The following HCFC2 variants were observed in gnomAD, a reference collection of about 807,000 sequenced individuals.
The protein encoded by HCFC2 is host cell factor 2.
HCFC2 carries 18 observed loss-of-function variants against 89.2 expected under a neutral mutation model. The observed-to-expected ratio is 0.20, with a 90% CI of 0.14 to 0.30. The LOEUF is 0.30. Ranked by LOEUF, HCFC2 falls within the 10% of genes least tolerant of loss-of-function variation. The pLI is 1.00. For missense variants in HCFC2, 578 were observed against 956.1 expected (o/e 0.60, Z 5.21); for synonymous variants, 308 against 335.7 (o/e 0.92, Z 0.90).
At chr12:104,082,641 T>C in intron 6 of HCFC2, 35 bp downstream of exon 6, 1 of 1,560,894 alleles carries the variant, frequency 6.4e-7, no homozygotes, top group Non-Finnish European at 8.8e-7. Flanking sequence ...TGAATTAATC[T>C]TTATTAATAA....
intron 9 of HCFC2, among the ~76,000 whole-genome samples, chr12:104,089,464 C>T (rs930603206): frequency 5.3e-5 from 8 of 152,166 alleles, no homozygotes; most frequent in Admixed American, 3.9e-4. Flanking sequence ...TGTAGTGAGC[C>T]GAGATTGTGC....
At chr12:104,078,425 C>T (rs1052343737) in intron 3 of HCFC2, among the ~76,000 whole-genome samples, 2 of 151,986 alleles carry the variant, frequency 1.3e-5, no homozygotes, top group African/African-American at 4.8e-5. Flanking sequence ...CAATTTTTGC[C>T]CTTACACTTG....
Position 104,085,090 on chromosome 12 carries a change from C to T in HCFC2, c.1064-1757C>T, listed in dbSNP as rs558533743. Among the ~76,000 whole-genome samples, 23 of 152,178 alleles carry T rather than the reference C, an allele frequency of 1.5e-4. No homozygotes were observed. In the South Asian group the frequency reaches 3.3e-3, roughly 22 times the overall value. On this transcript the variant is annotated intron_variant, in intron 7 of 14. Coordinates refer to ENST00000229330, the MANE Select transcript of HCFC2 (RefSeq NM_013320.3). The stretch of plus-strand genomic sequence containing the variant: ...TATATGAGAAAAACAGATTATAAAA[C>T]GTATAATGACTCCAGTGTTTTCAAA...
At chr12:104,101,724 A>T (rs1445802778) in intron 13 of HCFC2, among the ~76,000 whole-genome samples, 2 of 152,118 alleles carry the variant, frequency 1.3e-5, no homozygotes, top group African/African-American at 4.8e-5. Context: ...TCTCTGTGTA[A>T]TCAGTGATTC....
At chr12:104,086,759 T>C in intron 7 of HCFC2, 88 bp from the exon 8 acceptor site, 1 of 1,181,684 alleles carries the variant, frequency 8.5e-7, no homozygotes, top group Admixed American at 2.0e-5. Flanking sequence ...ATTGCTGATG[T>C]TTTCAAAGCT....
At chr12:104,093,284 G>T in intron 9 of HCFC2, 102 bp from the exon 10 acceptor site, 1 of 709,430 alleles carries the variant, frequency 1.4e-6, no homozygotes. Context: ...TTTCTATTTT[G>T]ATAAAAAGTA....
chr12:104,074,453 C>A (rs934965562), intron 3 of HCFC2, among the ~76,000 whole-genome samples: 1 of 152,224 alleles, frequency 6.6e-6, no homozygotes, highest in Non-Finnish European at 1.5e-5. Flanking sequence ...AGCCGCCATG[C>A]CTGGCCAAAA....
At chr12:104,087,877 G>T in intron 8 of HCFC2, 109 bp from the exon 9 acceptor site, 1 of 527,912 alleles carries the variant, frequency 1.9e-6, no homozygotes, top group South Asian at 6.5e-5. Flanking sequence ...ATAACCTTTG[G>T]TAAAGATACT....
chr12:104,098,764 G>A (rs111587704), intron 13 of HCFC2, among the ~76,000 whole-genome samples: 130 of 152,334 alleles, frequency 8.5e-4, no homozygotes, highest in African/African-American at 3.0e-3. Flanking sequence ...ACTTTGGGAG[G>A]CCAAGGCAGG....
At chr12:104,073,823 G>A (rs1341787469) in intron 3 of HCFC2, among the ~76,000 whole-genome samples, 2 of 152,104 alleles carry the variant, frequency 1.3e-5, no homozygotes, top group African/African-American at 4.8e-5. Context: ...CTATACCAGG[G>A]GTTGCAAACT....
chr12:104,102,933 A>C, intron 14 of HCFC2, 26 bp from the exon 15 acceptor site: 2 of 1,579,556 alleles, frequency 1.3e-6, no homozygotes, highest in Non-Finnish European at 1.7e-6. Context: ...AGAACCTTTA[A>C]CCTGTTTTTT....
rs2029998795 is a variant in HCFC2 at position 104,103,066 on chromosome 12, T to A, written c.2172T>A (p.Asn724Lys). 2 of 1,614,000 alleles carry A rather than the reference T, an allele frequency of 1.2e-6. No homozygotes were observed. Among genetic ancestry groups the A allele is most frequent in the East Asian group, 4.5e-5 (2 of 44,860 alleles). ...LAIRTAQIQD[N>K]PSQLVFMRIY... ...TCCGCACAGCACAGATACAAGATAA[T>A]CCAAGTCAACTTGTGTTCATGAGGA... Residue 724 changes from asparagine (N) to lysine (K), a missense_variant, in exon 15 of 15, where the codon AAT becomes AAA. Around this residue, in one of 4 missense-constraint regions of HCFC2, gnomAD observed 140 missense variants for 266.4 expected, o/e 0.53. Transcript: ENST00000229330.
At position 104,101,950 on chromosome 12, in the gene HCFC2, G is replaced by T; in HGVS notation, c.1879-18G>T. 6.6e-7 allele frequency: 1 copy of T among 1,525,308 alleles called. No homozygotes were observed. The highest frequency in any genetic ancestry group is 8.9e-7 in the Non-Finnish European group (1 of 1,126,666). The allele number at this position is 1,525,308 out of a possible 1,614,324, so 94.5% of individuals were successfully genotyped here. ...TAGTTGTACCTTTTCTTTGACTTTT[G>T]CATATACTACATTTTAGGTAGGAAA... On this transcript the variant is annotated intron_variant, in intron 13 of 14. Coordinates refer to ENST00000229330, the MANE Select transcript of HCFC2 (RefSeq NM_013320.3).
At chr12:104,076,744 G>T (rs890967127) in intron 3 of HCFC2, among the ~76,000 whole-genome samples, 2 of 149,502 alleles carry the variant, frequency 1.3e-5, no homozygotes, top group African/African-American at 4.9e-5. Context: ...TCTTATAATA[G>T]GGCAGTTTTA....
chr12:104,105,387 G>A lies in HCFC2; in HGVS notation c.*2114G>A, dbSNP rs1409342498. On this transcript the variant is annotated 3_prime_UTR_variant, in exon 15 of 15. Coordinates refer to ENST00000229330, the MANE Select transcript of HCFC2 (RefSeq NM_013320.3). ...ATTTTAAGCAAAGGATAGAATATTTGTTTGAGTGTGCACATTTATACCTGT... is the reference window on the plus strand; with the variant it reads ...ATTTTAAGCAAAGGATAGAATATTTATTTGAGTGTGCACATTTATACCTGT... 1.3e-5 allele frequency: 2 copies of A among 151,972 alleles called. No individual in the cohort carries two copies. The highest frequency in any genetic ancestry group is 2.9e-5 in the Non-Finnish European group (2 of 67,872). 9.4% of individuals were successfully genotyped at this position (151,972 alleles called of 1,614,324 possible).
chr12:104,075,171 A>G (rs1288394555), intron 3 of HCFC2, among the ~76,000 whole-genome samples: 3 of 150,356 alleles, frequency 2.0e-5, no homozygotes, highest in Non-Finnish European at 4.4e-5. Flanking sequence ...CCTGGGCAAT[A>G]TAATGAGCCC....
chr12:104,085,665 T>C (rs898164328), intron 7 of HCFC2, among the ~76,000 whole-genome samples: 3 of 152,046 alleles, frequency 2.0e-5, no homozygotes, highest in African/African-American at 7.2e-5. Context: ...CTTGATAAGT[T>C]AGCATCAGTT....
chr12:104,069,651 C>T (rs976810524), intron 3 of HCFC2, among the ~76,000 whole-genome samples: 5 of 150,704 alleles, frequency 3.3e-5, no homozygotes, highest in Non-Finnish European at 7.4e-5. Context: ...ATATTTTTTT[C>T]TTTCTTTTTT....
intron 3 of HCFC2, among the ~76,000 whole-genome samples, chr12:104,071,562 C>T (rs1156528746): frequency 1.3e-5 from 2 of 152,206 alleles, no homozygotes; most frequent in Non-Finnish European, 2.9e-5. Flanking sequence ...ATACGATCCT[C>T]CACACAGACC....
Sources: allele counts gnomAD v4.1 joint callset (sites outside exome capture counted in the v4.1 genomes callset), GRCh38; gene constraint gnomAD v4.1.1; regional missense constraint gnomAD v4.1.1; transcripts MANE v1.5; gene names NCBI Gene and HGNC (gene_info 2026-07-23, HGNC 2026-07-21).